Variants in DLG2 observed in about 807,000 individuals in gnomAD.
DLG2 encodes discs large MAGUK scaffold protein 2.
A neutral mutation model predicts 132.5 loss-of-function variants in DLG2; 45 were observed. The observed-to-expected ratio is 0.34, with a 90% confidence interval of 0.27 to 0.44. DLG2 has a LOEUF of 0.44. Ranked by LOEUF, DLG2 falls within the 20% of genes least tolerant of loss-of-function variation. DLG2 has a pLI of 1.00. For missense variants in DLG2, 1,045 were observed against 1,196.9 expected (o/e 0.87, Z 1.87); for synonymous variants, 424 against 419.6 (o/e 1.01, Z -0.13).
chr11:83,526,799 C>T (rs748118118), intron 21 of DLG2, among the ~76,000 whole-genome samples: 1 of 152,072 alleles, frequency 6.6e-6, no homozygotes, highest in Non-Finnish European at 1.5e-5. Flanking sequence ...ACTCCTAACC[C>T]CAGTCCCTAT....
chr11:84,254,939 A>G (rs2097442284), intron 7 of DLG2, among the ~76,000 whole-genome samples: 1 of 152,220 alleles, frequency 6.6e-6, no homozygotes, highest in Admixed American at 6.5e-5. Context: ...TGACATTGGT[A>G]ACGCCCTGGT....
chr11:84,166,585 CT>C (rs1372102756), intron 8 of DLG2, among the ~76,000 whole-genome samples: 8 of 151,384 alleles, frequency 5.3e-5, no homozygotes, highest in African/African-American at 1.9e-4. Context: ...AATTTGGTGC[CT>C]TTTCAAACGA....
intron 11 of DLG2, among the ~76,000 whole-genome samples, chr11:83,997,538 G>C (rs2094108825): frequency 6.6e-6 from 1 of 151,656 alleles, no homozygotes; most frequent in South Asian, 2.1e-4. Flanking sequence ...AGACCAGCCT[G>C]GCCAACATGG....
At chr11:84,661,541 T>C (rs1208016925) in intron 6 of DLG2, among the ~76,000 whole-genome samples, 2 of 152,184 alleles carry the variant, frequency 1.3e-5, no homozygotes, top group Non-Finnish European at 2.9e-5. Context: ...AGAATGTTAA[T>C]TGCTATTATG....
intron 18 of DLG2, chr11:83,724,921 C>T: frequency 7.1e-6 from 5 of 702,496 alleles, no homozygotes; most frequent in Non-Finnish European, 1.0e-5. Context: ...AAATTCAGCT[C>T]TGTTCCCTCC....
At chr11:83,674,663 T>A (rs573835477) in intron 18 of DLG2, among the ~76,000 whole-genome samples, 26 of 152,380 alleles carry the variant, frequency 1.7e-4, no homozygotes, top group Admixed American at 9.8e-4. Flanking sequence ...ATTTCCTACC[T>A]GGTCACTGCA....
intron 4 of DLG2, among the ~76,000 whole-genome samples, chr11:85,193,531 G>C (rs1211149857): frequency 6.6e-6 from 1 of 152,116 alleles, no homozygotes; most frequent in Non-Finnish European, 1.5e-5. Flanking sequence ...TTCTATATGA[G>C]AATTCCAATT....
chr11:85,492,626 T>G (rs139056621), intron 3 of DLG2, among the ~76,000 whole-genome samples: 1 of 152,194 alleles, frequency 6.6e-6, no homozygotes. Flanking sequence ...CAAATAAAAT[T>G]AAGTGTCTGC....
chr11:85,100,382 C>G (rs1170277489), intron 6 of DLG2, among the ~76,000 whole-genome samples: 1 of 152,040 alleles, frequency 6.6e-6, no homozygotes, highest in Non-Finnish European at 1.5e-5. Flanking sequence ...AATAATCTTT[C>G]AATGTAGGTA....
intron 7 of DLG2, among the ~76,000 whole-genome samples, chr11:84,420,511 A>C (rs1356062218): frequency 6.6e-6 from 1 of 152,174 alleles, no homozygotes; most frequent in Non-Finnish European, 1.5e-5. Context: ...CAAATGCCTA[A>C]GGCATTGTGT....
intron 3 of DLG2, among the ~76,000 whole-genome samples, chr11:85,315,741 T>C (rs1214097395): frequency 3.3e-5 from 5 of 151,968 alleles, no homozygotes; most frequent in Admixed American, 6.6e-5. Flanking sequence ...CCTATTGGGG[T>C]GCTAATTCTC....
intron 6 of DLG2, among the ~76,000 whole-genome samples, chr11:84,872,639 A>G (rs897466846): frequency 9.2e-5 from 14 of 152,216 alleles, no homozygotes; most frequent in Admixed American, 9.2e-4. Context: ...GGATGTGCTT[A>G]GTTACCTCTA....
intron 3 of DLG2, among the ~76,000 whole-genome samples, chr11:85,534,200 C>T (rs1208151790): frequency 2.0e-5 from 3 of 152,152 alleles, no homozygotes; most frequent in Admixed American, 1.3e-4. Flanking sequence ...CCACCCACCT[C>T]AGCCTCCCAA....
intron 19 of DLG2, chr11:83,632,060 T>C (rs2063657718): frequency 6.6e-6 from 1 of 152,176 alleles, no homozygotes; most frequent in South Asian, 2.1e-4. Context: ...ATAGGGTTAA[T>C]AACTTGTTTT....
chr11:83,500,039 CAT>C (rs1222157892), intron 21 of DLG2, among the ~76,000 whole-genome samples: 1 of 151,298 alleles, frequency 6.6e-6, no homozygotes, highest in African/African-American at 2.4e-5. Flanking sequence ...ATTTAGCTCA[CAT>C]GTCCCCTCTT....
At chr11:83,738,573 G>T (rs1425838827) in intron 18 of DLG2, among the ~76,000 whole-genome samples, 1 of 152,162 alleles carries the variant, frequency 6.6e-6, no homozygotes, top group Non-Finnish European at 1.5e-5. Flanking sequence ...AGGAGATACA[G>T]TCAGACGGAG....
At chr11:85,180,291 C>G (rs1436831095) in intron 4 of DLG2, among the ~76,000 whole-genome samples, 2 of 151,690 alleles carry the variant, frequency 1.3e-5, no homozygotes, top group Admixed American at 1.3e-4. Context: ...GACATTTATT[C>G]TGTTCTTTAT....
intron 3 of DLG2, among the ~76,000 whole-genome samples, chr11:85,586,767 G>C (rs1294912940): frequency 6.6e-6 from 1 of 151,980 alleles, no homozygotes; most frequent in Non-Finnish European, 1.5e-5. Context: ...TGTTTCTCTA[G>C]TTCCTTCAGG....
intron 21 of DLG2, among the ~76,000 whole-genome samples, chr11:83,519,253 C>T (rs1282974966): frequency 6.6e-6 from 1 of 152,104 alleles, no homozygotes; most frequent in South Asian, 2.1e-4. Flanking sequence ...GCAGGTGCAA[C>T]TCCAAAATTT....
Sources: gnomAD v4.1 joint callset for allele counts (sites outside exome capture counted in the v4.1 genomes callset) on GRCh38, gnomAD v4.1.1 for gene constraint, MANE v1.5 for transcripts, NCBI Gene and HGNC (gene_info 2026-07-23, HGNC 2026-07-21) for gene names.